Variants in COCH observed in about 807,000 individuals in gnomAD.
COCH encodes the protein coagulation factor C homolog, cochlin (Limulus polyphemus).
COCH carries 40 observed loss-of-function variants against 54.8 expected under a neutral mutation model. The ratio of observed to expected loss-of-function variants is 0.73; its 90% CI spans 0.57 to 0.95. The LOEUF (loss-of-function observed/expected upper bound fraction) is 0.95. Ranked by LOEUF, COCH falls within the 40% of genes least tolerant of loss-of-function variation. COCH has a pLI of 0.00. For missense variants in COCH, 605 were observed against 675.0 expected (o/e 0.90, Z 1.15); for synonymous variants, 256 against 237.9 (o/e 1.08, Z -0.70).
Position 30,877,299 on chromosome 14 carries a change from C to A in COCH, c.83-273C>A. 2.5e-6 allele frequency: 1 copy of A among 401,954 alleles called. No homozygotes were observed. Among genetic ancestry groups the A allele is most frequent in the Non-Finnish European group, 4.6e-6 (1 of 215,282 alleles). The allele number at this position is 401,954 out of a possible 1,614,324, so 24.9% of individuals were successfully genotyped here. On this transcript the variant is annotated intron_variant, in intron 3 of 11. Transcript: ENST00000396618. This position sits in a 1 kb window ranked among gnomAD's most constrained non-coding sequence, Gnocchi z 8.6. Reference sequence around the variant, plus strand: ...GGGAATTTGAGCCTAGCTTGGGCAACTTGGCGAGTCCCCATTTCAAAAACA... The same window carrying A: ...GGGAATTTGAGCCTAGCTTGGGCAAATTGGCGAGTCCCCATTTCAAAAACA...
downstream of COCH, chr14:30,895,569 AAC>A: frequency 6.2e-7 from 1 of 1,613,726 alleles, no homozygotes; most frequent in Non-Finnish European, 8.5e-7. Flanking sequence ...AATCTGATGG[AAC>A]AGTCATGGCC....
At chr14:30,886,387 A>G (rs187889834) in intron 11 of COCH, 75 bp downstream of exon 11, 1 of 1,518,420 alleles carries the variant, frequency 6.6e-7, no homozygotes, top group East Asian at 2.3e-5. Context: ...ATAAAAATTT[A>G]AGCATTTATT....
At chr14:30,884,446 A>G in intron 8 of COCH, 107 bp from the exon 9 acceptor site, 1 of 754,668 alleles carries the variant, frequency 1.3e-6, no homozygotes, top group Middle Eastern at 3.2e-4. Context: ...GAATTAAGAA[A>G]GAAACTTGTG....
chr14:30,888,700 A>T (rs1594389365), intron 11 of COCH, among the ~76,000 whole-genome samples: 1 of 151,068 alleles, frequency 6.6e-6, no homozygotes, highest in Non-Finnish European at 1.5e-5. Flanking sequence ...GGTGCTGAGG[A>T]GGATAGTTTG....
chr14:30,886,327 C>A lies in COCH; in HGVS notation c.1477+15C>A. ...ACATGATGCAGGTAAGGTCCTTGTT[C>A]TTTATAGGAGAAGGGAACAGAAAAA... On this transcript the variant is annotated intron_variant, in intron 11 of 11. Transcript: ENST00000396618. 6.2e-7 allele frequency: 1 copy of A among 1,613,716 alleles called. No homozygotes were observed. Among genetic ancestry groups the A allele is most frequent in the Non-Finnish European group, 8.5e-7 (1 of 1,179,870 alleles).
At chr14:30,894,403 C>G (rs1420912907), downstream of COCH, 2 of 152,444 alleles carry the variant, frequency 1.3e-5, no homozygotes, top group Non-Finnish European at 2.9e-5. Context: ...TCCTTTAGCA[C>G]ATTAATAAAA....
rs1244669793 is a variant in COCH, at chr14:30,890,493, G to GT, written c.*704dup. 1 of 927,582 alleles carries GT rather than the reference G, an allele frequency of 1.1e-6. No individual in the cohort carries two copies. The highest frequency in any genetic ancestry group is 6.2e-5 in the Admixed American group (1 of 16,192). The allele number at this position is 927,582 out of a possible 1,614,324, so 57.5% of individuals were successfully genotyped here. ...TTCTAAGTCACCTAAGTACTTAAAA[G>GT]TTAAGTTGGTAAAGTATTTACTGAC... On this transcript the variant is annotated 3_prime_UTR_variant, in exon 12 of 12. Coordinates refer to ENST00000396618, the MANE Select transcript of COCH (RefSeq NM_004086.3).
downstream of COCH, among the ~76,000 whole-genome samples, chr14:30,891,186 A>C (rs376587973): frequency 1.5e-4 from 23 of 152,306 alleles, no homozygotes; most frequent in East Asian, 4.2e-3. Flanking sequence ...ATCATTTTTT[A>C]CTTAAAAATG....
rs755026676 is a variant in COCH, at chr14:30,885,538, G to A, written c.878G>A (p.Gly293Asp). ...EEAGIVAREFGVNVFIVSVAK... is the reference protein window; with the variant it reads ...EEAGIVAREFDVNVFIVSVAK... ...GCAGGCATTGTGGCCAGAGAGTTTG[G>A]TGTCAATGTATTTATAGTTTCTGTG... Residue 293 changes from glycine to aspartate, a missense_variant, in exon 10 of 12, where the codon GGT becomes GAT. Physicochemically the swap from Gly to Asp is moderately conservative, Grantham distance 94. Coordinates refer to ENST00000396618, the MANE Select transcript of COCH (RefSeq NM_004086.3). 1.2e-6 allele frequency: 2 copies of A among 1,613,420 alleles called. No homozygotes were observed. The highest frequency in any genetic ancestry group is 1.7e-6 in the Non-Finnish European group (2 of 1,179,346).
chr14:30,889,036 A>G (rs1416780933), intron 11 of COCH: 2 of 153,298 alleles, frequency 1.3e-5, no homozygotes, highest in African/African-American at 4.8e-5. Context: ...TCTGATTATT[A>G]GACAGTTTGC....
chr14:30,884,726 A>G, intron 9 of COCH, 70 bp downstream of exon 9: 1 of 1,350,922 alleles, frequency 7.4e-7, no homozygotes, highest in Non-Finnish European at 1.1e-6. Context: ...GTAAAACAGT[A>G]TTATGCTATT....
chr14:30,882,109 A>G (rs1355692591), intron 8 of COCH, among the ~76,000 whole-genome samples: 3 of 127,948 alleles, frequency 2.3e-5, no homozygotes, highest in Non-Finnish European at 4.9e-5. Context: ...AGAGATAATC[A>G]CTATAAAATG....
Position 30,877,734 on chromosome 14 carries a change from C to G in COCH, c.239+6C>G. On this transcript the variant is annotated splice_donor_region_variant and intron_variant, in intron 4 of 11. Coordinates refer to ENST00000396618, the MANE Select transcript of COCH (RefSeq NM_004086.3). The surrounding 1 kb of genome is among the most constrained non-coding windows in gnomAD (Gnocchi z 8.6). ...TGTGGGGCTGCTGTCCACAGGTAAG[C>G]CCAAACACACCAGGGTGGGAGAGAA... 1 of 1,614,112 alleles carries G rather than the reference C, an allele frequency of 6.2e-7. No homozygotes were observed. Among genetic ancestry groups the G allele is most frequent in the Non-Finnish European group, 8.5e-7 (1 of 1,180,018 alleles).
At chr14:30,880,866 A>C in intron 8 of COCH, 132 bp downstream of exon 8, 1 of 724,500 alleles carries the variant, frequency 1.4e-6, no homozygotes, top group South Asian at 1.6e-5. Context: ...AATCAGAGTA[A>C]TTAGCATATC....
chr14:30,875,299 G>A lies in COCH; in HGVS notation c.82+196G>A, dbSNP rs940268941. ...CTCCTGCTCACCTGTTTCTCCCATG[G>A]TAGGGGGCCCCTGGGGTCCAGTGGG... On this transcript the variant is annotated intron_variant, in intron 3 of 11. Coordinates refer to ENST00000396618, the MANE Select transcript of COCH (RefSeq NM_004086.3). 7.2e-5 allele frequency: 58 copies of A among 810,588 alleles called. 1 individual carries two copies. The highest frequency in any genetic ancestry group is 4.0e-4 in the East Asian group (15 of 37,516). 50.2% of individuals were successfully genotyped at this position (810,588 alleles called of 1,614,324 possible).
At position 30,877,254 on chromosome 14, in the gene COCH, G is replaced by A; in HGVS notation, c.83-318G>A. The A allele has an allele frequency of 2.8e-6, 1 of 357,170 alleles. No homozygotes were observed. Among genetic ancestry groups the A allele is most frequent in the Admixed American group, 4.1e-5 (1 of 24,464 alleles). 22.1% of individuals were successfully genotyped at this position (357,170 alleles called of 1,614,324 possible). A position where few individuals can be genotyped will look rare whatever the true frequency, so the allele number is the denominator to read the frequency against. ...TGTAATCCCAGCTACTAGGGAGTTG[G>A]AGGTGGATCACTTGAGCTCGGGAAT... On this transcript the variant is annotated intron_variant, in intron 3 of 11. Transcript: ENST00000396618. The surrounding 1 kb of genome is among the most constrained non-coding windows in gnomAD (Gnocchi z 8.6).
downstream of COCH, chr14:30,894,681 G>A (rs1896079629): frequency 1.2e-5 from 2 of 172,958 alleles, no homozygotes; most frequent in South Asian, 1.2e-4. Flanking sequence ...TAGCTGAGCT[G>A]TATTAGGCAA....
downstream of COCH, chr14:30,893,891 C>T (rs557613859): frequency 4.6e-5 from 7 of 152,588 alleles, no homozygotes; most frequent in Admixed American, 1.3e-4. Flanking sequence ...CATACAGGTA[C>T]ACAATTTAAT....
At chr14:30,888,792 G>GAA (rs34664716) in intron 11 of COCH, among the ~76,000 whole-genome samples, 1,274 of 126,696 alleles carry the variant, frequency 0.01, 28 homozygotes, top group East Asian at 0.098. Context: ...CCCTGTCTGA[G>GAA]AAAAAAAAAA....
Sources: allele counts gnomAD v4.1 joint callset (sites outside exome capture counted in the v4.1 genomes callset), GRCh38; gene constraint gnomAD v4.1.1; non-coding constraint Gnocchi (gnomAD v3.1); transcripts MANE v1.5; gene names NCBI Gene and HGNC (gene_info 2026-07-23, HGNC 2026-07-21).